The following PRKN variants were observed in gnomAD, a reference collection of about 807,000 sequenced individuals.
The protein encoded by PRKN is E3 ubiquitin-protein ligase parkin.
A neutral mutation model predicts 59.5 loss-of-function variants in PRKN; 56 were observed. That is an observed-to-expected ratio of 0.94 (90% confidence interval 0.76 to 1.18). The LOEUF (loss-of-function observed/expected upper bound fraction) is 1.18. Among genes scored for constraint, PRKN ranks in the 50% most tolerant of loss-of-function variants. PRKN has a pLI of 0.00. For missense variants in PRKN, 657 were observed against 596.4 expected (o/e 1.10, Z -1.06); for synonymous variants, 250 against 222.1 (o/e 1.13, Z -1.12).
At chr6:162,510,148 C>A (rs559878181) in intron 1 of PRKN, among the ~76,000 whole-genome samples, 1 of 152,148 alleles carries the variant, frequency 6.6e-6, no homozygotes, top group Admixed American at 6.5e-5. Flanking sequence ...AAACAACAGT[C>A]GGCACCCAAC....
chr6:161,861,017 T>C (rs1335350771), intron 6 of PRKN, among the ~76,000 whole-genome samples: 1 of 152,224 alleles, frequency 6.6e-6, no homozygotes, highest in Non-Finnish European at 1.5e-5. Context: ...TGGAAGACAG[T>C]GTGGCGATTC....
At chr6:162,721,799 C>G (rs1778950335) in intron 1 of PRKN, among the ~76,000 whole-genome samples, 1 of 152,140 alleles carries the variant, frequency 6.6e-6, no homozygotes, top group Non-Finnish European at 1.5e-5. Flanking sequence ...CTAATTGCCT[C>G]ACACTAAAAA....
chr6:161,452,462 C>G (rs1242599207), intron 9 of PRKN, among the ~76,000 whole-genome samples: 2 of 152,178 alleles, frequency 1.3e-5, no homozygotes, highest in Non-Finnish European at 1.5e-5. Flanking sequence ...AGCTAAGTCA[C>G]AAGGCTGAGC....
At chr6:162,235,834 G>T in intron 3 of PRKN, among the ~76,000 whole-genome samples, 1 of 149,478 alleles carries the variant, frequency 6.7e-6, no homozygotes, top group African/African-American at 2.5e-5. Flanking sequence ...GAGAGAGAGG[G>T]AGGGAGGAAA....
intron 6 of PRKN, among the ~76,000 whole-genome samples, chr6:161,817,212 A>T (rs1431582672): frequency 2.6e-5 from 4 of 152,156 alleles, no homozygotes; most frequent in African/African-American, 9.7e-5. Flanking sequence ...AAGAAAAATC[A>T]ATGTGCTTTG....
At chr6:162,311,480 CCTTTTTTTTT>C (rs1782514764) in intron 2 of PRKN, among the ~76,000 whole-genome samples, 1 of 145,570 alleles carries the variant, frequency 6.9e-6, no homozygotes, top group African/African-American at 2.6e-5. Flanking sequence ...TAATTTTTTT[CCTTTTTTTTT>C]TTTTTTTTTT....
chr6:162,072,261 C>T (rs1043974172), intron 4 of PRKN, among the ~76,000 whole-genome samples: 4 of 152,008 alleles, frequency 2.6e-5, no homozygotes, highest in South Asian at 2.1e-4. Flanking sequence ...GCACTCCAGC[C>T]CGGGTGACAG....
At chr6:162,672,578 TACTC>T (rs766594482) in intron 1 of PRKN, among the ~76,000 whole-genome samples, 12 of 152,256 alleles carry the variant, frequency 7.9e-5, no homozygotes, top group African/African-American at 2.4e-4. Context: ...TAAAAACAAA[TACTC>T]ATTTATGTTT....
intron 1 of PRKN, among the ~76,000 whole-genome samples, chr6:162,467,631 C>T (rs1234526073): frequency 6.6e-6 from 1 of 152,246 alleles, no homozygotes; most frequent in African/African-American, 2.4e-5. Flanking sequence ...ACTCTCAGAA[C>T]AGGACTCCCA....
intron 6 of PRKN, among the ~76,000 whole-genome samples, chr6:161,967,984 G>A (rs1009464328): frequency 2.0e-5 from 3 of 152,004 alleles, no homozygotes; most frequent in Non-Finnish European, 2.9e-5. Flanking sequence ...TTCTGTACCT[G>A]GGAAGATATA....
At chr6:162,599,758 ACT>A (rs932689583) in intron 1 of PRKN, among the ~76,000 whole-genome samples, 2 of 152,200 alleles carry the variant, frequency 1.3e-5, no homozygotes, top group African/African-American at 4.8e-5. Context: ...ATTCACGCTC[ACT>A]GTTTTATGCT....
intron 5 of PRKN, among the ~76,000 whole-genome samples, chr6:162,038,266 G>A (rs1482163002): frequency 6.6e-6 from 1 of 152,008 alleles, no homozygotes; most frequent in East Asian, 1.9e-4. Context: ...TTGTAGAAAC[G>A]GCAATTGACT....
intron 1 of PRKN, among the ~76,000 whole-genome samples, chr6:162,584,416 A>G (rs1277291915): frequency 3.3e-5 from 5 of 152,140 alleles, no homozygotes; most frequent in East Asian, 1.9e-4. Context: ...CACTCTGTAC[A>G]TTCAGAAAAA....
At chr6:162,720,543 C>T (rs112891577) in intron 1 of PRKN, among the ~76,000 whole-genome samples, 5 of 149,082 alleles carry the variant, frequency 3.4e-5, no homozygotes, top group Admixed American at 6.8e-5. Context: ...CTCCGCTTCC[C>T]GGGTTCACGC....
chr6:161,695,829 G>A (rs956944874), intron 7 of PRKN, among the ~76,000 whole-genome samples: 1 of 152,124 alleles, frequency 6.6e-6, no homozygotes, highest in African/African-American at 2.4e-5. Context: ...GTGAGGAGGT[G>A]TTTTTCAATT....
chr6:161,374,281 T>C (rs1476906044), intron 10 of PRKN, among the ~76,000 whole-genome samples: 1 of 151,472 alleles, frequency 6.6e-6, no homozygotes, highest in African/African-American at 2.4e-5. Flanking sequence ...GTGGTGTGTA[T>C]GTATGTGTGT....
chr6:162,433,097 G>A (rs1395777068), intron 2 of PRKN, among the ~76,000 whole-genome samples: 1 of 152,120 alleles, frequency 6.6e-6, no homozygotes, highest in Non-Finnish European at 1.5e-5. Context: ...TAAATCGTGG[G>A]ATGAATTTAC....
intron 1 of PRKN, among the ~76,000 whole-genome samples, chr6:162,486,686 G>A (rs1028408013): frequency 2.6e-5 from 4 of 152,154 alleles, no homozygotes; most frequent in Admixed American, 6.5e-5. Context: ...TTATAAGGCT[G>A]CATATTCAAA....
chr6:162,485,326 G>C (rs1261169761), intron 1 of PRKN, among the ~76,000 whole-genome samples: 1 of 152,096 alleles, frequency 6.6e-6, no homozygotes, highest in Non-Finnish European at 1.5e-5. Context: ...TGTTTGCATA[G>C]CTTATTTTTA....
Sources: allele counts gnomAD v4.1 joint callset (sites outside exome capture counted in the v4.1 genomes callset), GRCh38; gene constraint gnomAD v4.1.1; transcripts MANE v1.5; gene names NCBI Gene and HGNC (gene_info 2026-07-23, HGNC 2026-07-21).